AFG1L: variants seen among roughly 807,000 people sequenced by gnomAD.
AFG1L encodes the protein AFG1 like ATPase, also known as AFG1-like ATPase.
A neutral mutation model predicts 62.2 loss-of-function variants in AFG1L; 53 were observed. The observed-to-expected ratio is 0.85, with a 90% CI of 0.68 to 1.07. AFG1L has a LOEUF of 1.07. Among genes scored for constraint, AFG1L ranks in the 50% least tolerant of loss-of-function variants. AFG1L has a pLI of 0.00. For synonymous variants in AFG1L, 228 were observed against 210.3 expected, an observed-to-expected ratio of 1.08 and a Z score of -0.73; for missense variants, 555 against 590.5, an observed-to-expected ratio of 0.94 and a Z score of 0.62.
intron 6 of AFG1L, among the ~76,000 whole-genome samples, chr6:108,381,085 A>G (rs1056841996): frequency 1.3e-5 from 2 of 152,230 alleles, no homozygotes; most frequent in Non-Finnish European, 2.9e-5. Context: ...CTAATCCACC[A>G]TCTTGGAAAA....
intron 4 of AFG1L, among the ~76,000 whole-genome samples, chr6:108,356,317 A>C (rs1012707843): frequency 6.6e-6 from 1 of 152,176 alleles, no homozygotes; most frequent in African/African-American, 2.4e-5. Context: ...TTTCGATTGC[A>C]TATGCTAGAC....
chr6:108,509,118 G>C (rs1774534524), intron 10 of AFG1L, among the ~76,000 whole-genome samples: 1 of 152,166 alleles, frequency 6.6e-6, no homozygotes, highest in African/African-American at 2.4e-5. Context: ...AATGAGCAGA[G>C]GTAACATTTC....
chr6:108,363,866 C>T (rs1274437878), intron 5 of AFG1L, among the ~76,000 whole-genome samples: 2 of 152,118 alleles, frequency 1.3e-5, no homozygotes, highest in Non-Finnish European at 2.9e-5. Flanking sequence ...TGTGCTAATC[C>T]TAATTACTGA....
At chr6:108,444,198 G>C (rs1374181687) in intron 7 of AFG1L, among the ~76,000 whole-genome samples, 1 of 152,070 alleles carries the variant, frequency 6.6e-6, no homozygotes, top group South Asian at 2.1e-4. Flanking sequence ...GGAAGCTTTT[G>C]GTTTCTCAGT....
rs1774318379 is a variant in AFG1L, at chr6:108,504,391, G to A, written c.1063-5821G>A. Among the ~76,000 whole-genome samples the A allele has an allele frequency of 2.0e-5, 3 of 152,196 alleles. No homozygotes were observed. In the South Asian group the frequency reaches 6.2e-4, roughly 32 times the overall value. ...ATCTCAGGGAATAGGGAGGCCTGAA[G>A]AGAGGGAGAAAGATGGGGGAACAGC... is the stretch of plus-strand genomic sequence containing the variant. On this transcript the variant is annotated intron_variant, in intron 10 of 12. Transcript: ENST00000368977.
chr6:108,510,416 C>A, intron 11 of AFG1L, 64 bp downstream of exon 11: 2 of 1,297,254 alleles, frequency 1.5e-6, no homozygotes, highest in Non-Finnish European at 2.1e-6. Context: ...ATTGCCTGGG[C>A]TGGAAATCCT....
intron 8 of AFG1L, among the ~76,000 whole-genome samples, chr6:108,450,378 C>G (rs9486885): frequency 0.013 from 2,011 of 152,232 alleles, 45 homozygotes; most frequent in African/African-American, 0.047. Context: ...TTTCATGTGT[C>G]TGTTGGCTGC....
At chr6:108,355,810 G>A (rs140687339) in intron 4 of AFG1L, 55 bp downstream of exon 4, 2 of 1,173,912 alleles carry the variant, frequency 1.7e-6, no homozygotes, top group African/African-American at 3.1e-5. Context: ...CTACAAAATG[G>A]TTTTCTTCAT....
At chr6:108,447,407 AT>A in intron 8 of AFG1L, 111 bp downstream of exon 8, 1 of 588,632 alleles carries the variant, frequency 1.7e-6, no homozygotes, top group South Asian at 2.3e-5. Flanking sequence ...GAAGCCCATG[AT>A]TTTTAAATTG....
chr6:108,330,535 G>A (rs895602572), intron 2 of AFG1L, among the ~76,000 whole-genome samples: 1 of 152,132 alleles, frequency 6.6e-6, no homozygotes, highest in African/African-American at 2.4e-5. Flanking sequence ...ACTTTGGACT[G>A]TAAACCTTTG....
intron 10 of AFG1L, among the ~76,000 whole-genome samples, chr6:108,489,684 G>A (rs1187200455): frequency 1.3e-5 from 2 of 152,138 alleles, no homozygotes; most frequent in African/African-American, 4.8e-5. Flanking sequence ...GCATGGAGGA[G>A]GTCAGGGACG....
At position 108,436,763 on chromosome 6, in the gene AFG1L, G is replaced by C. The variant is rs184697887; in HGVS notation, c.808-10451G>C. ...TGTTTGACAATGGACAAGTTACTTA[G>C]CCTCTCTGTGCTTTAGTTTCTTCAT... On this transcript the variant is annotated intron_variant, in intron 7 of 12. Coordinates refer to ENST00000368977, the MANE Select transcript of AFG1L (RefSeq NM_145315.5). 2.6e-5 allele frequency among the ~76,000 whole-genome samples: 4 copies of C among 152,284 alleles called. No individual in the cohort carries two copies. The East Asian group carries it at 5.8e-4, about 22-fold the overall frequency.
intron 8 of AFG1L, among the ~76,000 whole-genome samples, chr6:108,470,567 CT>C (rs1025313624): frequency 7.8e-6 from 1 of 128,596 alleles, no homozygotes; most frequent in African/African-American, 2.6e-5. Flanking sequence ...AAATATTACA[CT>C]TACAGAACTG....
chr6:108,315,377 A>G (rs1777553457), intron 1 of AFG1L, among the ~76,000 whole-genome samples: 1 of 152,146 alleles, frequency 6.6e-6, no homozygotes, highest in African/African-American at 2.4e-5. Context: ...GTGTCAACTT[A>G]ATGTGTTTTT....
intron 1 of AFG1L, among the ~76,000 whole-genome samples, chr6:108,296,682 T>C (rs1476522428): frequency 6.6e-6 from 1 of 152,212 alleles, no homozygotes; most frequent in African/African-American, 2.4e-5. Context: ...ATCAATACCA[T>C]ATCAATTTCA....
At chr6:108,406,269 T>C (rs1239116956) in intron 7 of AFG1L, among the ~76,000 whole-genome samples, 1 of 152,170 alleles carries the variant, frequency 6.6e-6, no homozygotes, top group Non-Finnish European at 1.5e-5. Flanking sequence ...AGCATTCCAG[T>C]TTCTCTGCAT....
At chr6:108,354,017 A>G (rs1181078675) in intron 3 of AFG1L, among the ~76,000 whole-genome samples, 1 of 152,186 alleles carries the variant, frequency 6.6e-6, no homozygotes, top group Non-Finnish European at 1.5e-5. Context: ...TTGCAAAGGA[A>G]TTACTAGACA....
intron 10 of AFG1L, among the ~76,000 whole-genome samples, chr6:108,500,276 A>C (rs540145582): frequency 1.3e-5 from 2 of 151,634 alleles, no homozygotes; most frequent in Admixed American, 1.3e-4. Context: ...CTGGGACTAC[A>C]GGCATGAACC....
At chr6:108,461,822 C>T (rs1431015682) in intron 8 of AFG1L, among the ~76,000 whole-genome samples, 1 of 151,960 alleles carries the variant, frequency 6.6e-6, no homozygotes, top group Non-Finnish European at 1.5e-5. Flanking sequence ...TGGCAGTGCA[C>T]GGTGGCTCAC....
Sources: allele counts gnomAD v4.1 joint callset (sites outside exome capture counted in the v4.1 genomes callset), GRCh38; gene constraint gnomAD v4.1.1; transcripts MANE v1.5; gene names NCBI Gene and HGNC (gene_info 2026-07-23, HGNC 2026-07-21).